Variants in TENM3 observed in about 807,000 individuals in gnomAD.
TENM3 encodes teneurin-3.
In TENM3, 63 loss-of-function variants were observed where a neutral mutation model predicts 255.1. The ratio of observed to expected loss-of-function variants is 0.25; its 90% confidence interval spans 0.20 to 0.30. The LOEUF (loss-of-function observed/expected upper bound fraction) is 0.30. Ranked by LOEUF, TENM3 falls within the 10% of genes least tolerant of loss-of-function variation. The pLI, the probability that TENM3 is intolerant of heterozygous loss-of-function variation, is 1.00. For synonymous variants in TENM3, 1,306 were observed against 1,322.3 expected (o/e 0.99, Z 0.27); for missense variants, 2,929 against 3,461.1 (o/e 0.85, Z 3.86).
intron 22 of TENM3, among the ~76,000 whole-genome samples, chr4:182,759,470 A>T (rs1762967508): frequency 6.6e-6 from 1 of 152,242 alleles, no homozygotes; most frequent in African/African-American, 2.4e-5. Context: ...TGAAAATGTT[A>T]ACGTTGCCCA....
At chr4:181,487,954 T>A in the TENM3 span, among the ~76,000 whole-genome samples, 1 of 152,170 alleles carries the variant, frequency 6.6e-6, no homozygotes, top group African/African-American at 2.4e-5. Flanking sequence ...GAGGTAATAA[T>A]GACTCCTGAA....
chr4:181,536,714 T>G, the TENM3 span, among the ~76,000 whole-genome samples: 1 of 152,356 alleles, frequency 6.6e-6, no homozygotes, highest in South Asian at 2.1e-4. Context: ...CATTAGGAGT[T>G]AATACATCTT....
intron 4 of TENM3, among the ~76,000 whole-genome samples, chr4:182,624,719 T>C (rs767153469): frequency 6.6e-6 from 1 of 152,140 alleles, no homozygotes; most frequent in African/African-American, 2.4e-5. Context: ...ACTCAAGCTA[T>C]TTCTTCCTTC....
At chr4:182,279,395 G>A (rs1021422206) in intron 1 of TENM3, among the ~76,000 whole-genome samples, 1 of 152,024 alleles carries the variant, frequency 6.6e-6, no homozygotes, top group Non-Finnish European at 1.5e-5. Context: ...CTCATAGTCT[G>A]GAAATGCAAT....
intron 2 of TENM3, among the ~76,000 whole-genome samples, chr4:182,340,272 G>T (rs1274078248): frequency 6.6e-6 from 1 of 152,172 alleles, no homozygotes; most frequent in African/African-American, 2.4e-5. Context: ...AGCTACATTT[G>T]TGATGATTGC....
chr4:182,324,129 A>C lies in TENM3; in HGVS notation c.109A>C (p.Thr37Pro), dbSNP rs769517461. 3 of 1,613,930 alleles carry C rather than the reference A, an allele frequency of 1.9e-6. No individual in the cohort carries two copies. In the African/African-American group the frequency reaches 4.0e-5, roughly 22 times the overall value. ...AGACAATGAGGAGTGCCGGGTACCC[A>C]CACAGAAGTCCTACAGTTCCAGCGA... ...SADNEECRVP[T>P]QKSYSSSETL... Residue 37 changes from threonine to proline, a missense_variant, in exon 2 of 28, where the codon ACA (threonine) becomes CCA (proline). Transcript: ENST00000511685.
the TENM3 span, among the ~76,000 whole-genome samples, chr4:182,057,896 C>T: frequency 6.6e-6 from 1 of 151,860 alleles, no homozygotes; most frequent in South Asian, 2.1e-4. Context: ...TCTTTGTAAA[C>T]CAAATAAAGG....
the TENM3 span, among the ~76,000 whole-genome samples, chr4:181,581,308 G>T: frequency 6.6e-6 from 1 of 152,028 alleles, no homozygotes; most frequent in South Asian, 2.1e-4. Context: ...TGGTGTGGTG[G>T]TGCACGCCTG....
the TENM3 span, among the ~76,000 whole-genome samples, chr4:181,520,335 C>G: frequency 6.6e-6 from 1 of 152,046 alleles, no homozygotes; most frequent in Non-Finnish European, 1.5e-5. Flanking sequence ...GATTGATGGC[C>G]TGAATTTTGG....
chr4:182,273,599 C>A (rs902344125), intron 1 of TENM3, among the ~76,000 whole-genome samples: 1 of 152,182 alleles, frequency 6.6e-6, no homozygotes, highest in South Asian at 2.1e-4. Context: ...TACCGCATTT[C>A]ATTGATACAT....
chr4:181,803,787 T>A, the TENM3 span, among the ~76,000 whole-genome samples: 1 of 151,364 alleles, frequency 6.6e-6, no homozygotes, highest in Non-Finnish European at 1.5e-5. Flanking sequence ...ATGAAAAAAA[T>A]TAGCCAGGTG....
chr4:181,517,821 T>C, the TENM3 span, among the ~76,000 whole-genome samples: 1 of 152,176 alleles, frequency 6.6e-6, no homozygotes, highest in Non-Finnish European at 1.5e-5. Context: ...CCCTTTCATT[T>C]TGGTTTGTTT....
intron 6 of TENM3, among the ~76,000 whole-genome samples, chr4:182,666,826 G>A (rs1400206559): frequency 6.6e-6 from 1 of 152,044 alleles, no homozygotes; most frequent in African/African-American, 2.4e-5. Context: ...CTGAGCCCAG[G>A]GAGATTGAGG....
the TENM3 span, among the ~76,000 whole-genome samples, chr4:181,588,376 A>T: frequency 6.6e-6 from 1 of 152,286 alleles, no homozygotes; most frequent in Admixed American, 6.5e-5. Context: ...AAAAACTTAC[A>T]CTAGTCTTGG....
the TENM3 span, among the ~76,000 whole-genome samples, chr4:182,023,322 T>C: frequency 6.6e-6 from 1 of 152,218 alleles, no homozygotes. Context: ...CTGCTATATA[T>C]TTTTACATCT....
intron 1 of TENM3, among the ~76,000 whole-genome samples, chr4:182,147,214 A>G (rs985031053): frequency 1.3e-5 from 2 of 152,166 alleles, no homozygotes; most frequent in African/African-American, 4.8e-5. Flanking sequence ...GCGCGTGGCT[A>G]TCGTTGTGAG....
chr4:182,100,786 C>CATATATACACAT, the TENM3 span, among the ~76,000 whole-genome samples: 28 of 33,100 alleles, frequency 8.5e-4, 9 homozygotes, highest in African/African-American at 2.6e-3. Context: ...TATATATACA[C>CATATATACACAT]ATATATATAC....
intron 3 of TENM3, among the ~76,000 whole-genome samples, chr4:182,506,331 GAAAACTTGAAGTTC>G (rs1281378869): frequency 6.6e-6 from 1 of 152,160 alleles, no homozygotes; most frequent in African/African-American, 2.4e-5. Flanking sequence ...TTTGGAGTCA[GAAAACTTGAAGTTC>G]AATCTTGTCA....
chr4:182,740,080 A>G (rs1761487285), intron 18 of TENM3, among the ~76,000 whole-genome samples: 1 of 152,186 alleles, frequency 6.6e-6, no homozygotes, highest in Non-Finnish European at 1.5e-5. Flanking sequence ...CCCTCCAGGA[A>G]ATAATAGTCT....
Sources: gnomAD v4.1 joint callset for allele counts (sites outside exome capture counted in the v4.1 genomes callset) on GRCh38, gnomAD v4.1.1 for gene constraint, MANE v1.5 for transcripts, NCBI Gene and HGNC (gene_info 2026-07-23, HGNC 2026-07-21) for gene names.